DAB1: variants seen among roughly 807,000 people sequenced by gnomAD.
DAB1 encodes the protein disabled homolog 1.
In DAB1, 15 loss-of-function variants were observed where a neutral mutation model predicts 64.6. The ratio of observed to expected loss-of-function variants is 0.23; its 90% CI spans 0.16 to 0.36. The LOEUF (loss-of-function observed/expected upper bound fraction) is 0.36, where lower values mean the gene tolerates loss of function less well. DAB1 is among the 10% of genes least tolerant of loss of function. The pLI, the probability that DAB1 is intolerant of heterozygous loss-of-function variation, is 1.00. For synonymous variants in DAB1, 235 were observed against 251.9 expected (o/e 0.93, Z 0.64); for missense variants, 596 against 706.7 (o/e 0.84, Z 1.78).
At chr1:57,373,117 C>G (rs1359733531) in intron 1 of DAB1, among the ~76,000 whole-genome samples, 1 of 152,098 alleles carries the variant, frequency 6.6e-6, no homozygotes, top group East Asian at 1.9e-4. Context: ...CCTGGGAGTT[C>G]GAGGCTGCAG....
chr1:57,985,182 G>A (rs1457053113), intron 5 of DAB1, among the ~76,000 whole-genome samples: 2 of 152,092 alleles, frequency 1.3e-5, no homozygotes, highest in African/African-American at 2.4e-5. Flanking sequence ...TGCTGGGGTC[G>A]CAGGTGTGAG....
intron 7 of DAB1, among the ~76,000 whole-genome samples, chr1:57,628,278 T>A (rs914830394): frequency 1.1e-4 from 17 of 152,210 alleles, no homozygotes; most frequent in Admixed American, 1.1e-3. Context: ...TAAAGTGTAA[T>A]ATGCTGCACA....
At chr1:57,062,795 A>G in intron 9 of DAB1, 89 bp downstream of exon 9, 1 of 1,093,554 alleles carries the variant, frequency 9.1e-7, no homozygotes, top group Non-Finnish European at 1.4e-6. Context: ...CACTCATTCC[A>G]GGAGAAGGGT....
At chr1:57,043,698 T>G (rs1049399281) in intron 9 of DAB1, among the ~76,000 whole-genome samples, 12 of 152,086 alleles carry the variant, frequency 7.9e-5, no homozygotes, top group African/African-American at 2.7e-4. Flanking sequence ...AATACAAAAA[T>G]TAGCTGGGTG....
intron 5 of DAB1, among the ~76,000 whole-genome samples, chr1:57,984,343 C>T (rs1352424308): frequency 6.6e-6 from 1 of 151,928 alleles, no homozygotes; most frequent in African/African-American, 2.4e-5. Flanking sequence ...TTAATATTTC[C>T]CCCTAATTAC....
At position 57,309,112 on chromosome 1, in the gene DAB1, A is replaced by G. The variant is rs565133099; in HGVS notation, c.-136-17946T>C. Among the ~76,000 whole-genome samples, 157 of 152,334 alleles carry G rather than the reference A, an allele frequency of 1.0e-3. 2 individuals are homozygous for G. Among genetic ancestry groups the G allele is most frequent in the African/African-American group, 3.7e-3 (153 of 41,570 alleles). On this transcript the variant is annotated intron_variant, in intron 1 of 14. Transcript: ENST00000371236. ...TGTATTTTATGTGTGGTCCAAGGAT[A>G]TTCTTCTTTTTCCAACGTGGCTCAG... is the stretch of plus-strand genomic sequence containing the variant.
At chr1:57,042,416 A>C (rs1046484362) in intron 9 of DAB1, among the ~76,000 whole-genome samples, 1 of 152,174 alleles carries the variant, frequency 6.6e-6, no homozygotes, top group African/African-American at 2.4e-5. Context: ...GAAAACTATA[A>C]CATACCCCTA....
chr1:57,471,368 A>G (rs1304150399), intron 7 of DAB1, among the ~76,000 whole-genome samples: 3 of 152,190 alleles, frequency 2.0e-5, no homozygotes, highest in Non-Finnish European at 4.4e-5. Context: ...GAAGAAAAGA[A>G]TTTCCTTAAT....
intron 3 of DAB1, among the ~76,000 whole-genome samples, chr1:58,485,551 T>C (rs1006485569): frequency 1.3e-5 from 2 of 152,140 alleles, no homozygotes; most frequent in African/African-American, 4.8e-5. Context: ...TATCAAATCT[T>C]CATCTACTTT....
chr1:58,324,787 C>T (rs186010474), intron 4 of DAB1, among the ~76,000 whole-genome samples: 82 of 152,282 alleles, frequency 5.4e-4, no homozygotes, highest in African/African-American at 1.7e-3. Context: ...GGGCCTCCTA[C>T]AGAATTCAGC....
At chr1:57,329,478 G>GT (rs68120093) in intron 1 of DAB1, among the ~76,000 whole-genome samples, 3,264 of 151,828 alleles carry the variant, frequency 0.021, 45 homozygotes, top group South Asian at 0.052. Context: ...TGCCTTTCCG[G>GT]TTTTTTTGCA....
At chr1:57,440,530 G>GAAGA (rs547298453) in intron 7 of DAB1, among the ~76,000 whole-genome samples, 1 of 152,146 alleles carries the variant, frequency 6.6e-6, no homozygotes. Flanking sequence ...GGAAAGGAAG[G>GAAGA]AAGAAAGAAA....
intron 7 of DAB1, among the ~76,000 whole-genome samples, chr1:57,582,730 C>A (rs1645328863): frequency 6.6e-6 from 1 of 152,238 alleles, no homozygotes; most frequent in Admixed American, 6.5e-5. Flanking sequence ...GCCACTCCAA[C>A]AGCATCACAG....
At chr1:58,358,589 A>G (rs1644132955) in intron 3 of DAB1, among the ~76,000 whole-genome samples, 1 of 152,206 alleles carries the variant, frequency 6.6e-6, no homozygotes, top group African/African-American at 2.4e-5. Flanking sequence ...CGAAGACAGA[A>G]AAGAAACAGA....
chr1:57,550,901 T>C (rs10889051), intron 7 of DAB1, among the ~76,000 whole-genome samples: 93,698 of 152,134 alleles, frequency 0.62, 32,279 homozygotes, highest in Non-Finnish European at 0.77. Context: ...TTACTTGGTA[T>C]CAAGTATTAT....
chr1:57,892,473 T>C (rs116702384), intron 5 of DAB1, among the ~76,000 whole-genome samples: 3,197 of 152,286 alleles, frequency 0.021, 105 homozygotes, highest in African/African-American at 0.072. Flanking sequence ...CCCCATGACA[T>C]AGGTCACTAT....
At chr1:57,350,844 C>T (rs1487795880) in intron 1 of DAB1, among the ~76,000 whole-genome samples, 2 of 152,204 alleles carry the variant, frequency 1.3e-5, no homozygotes, top group East Asian at 1.9e-4. Flanking sequence ...ACAGCCTGTG[C>T]GTTTGTAAGA....
Position 58,409,471 on chromosome 1 carries a change from G to A in DAB1, n.258-66068C>T, listed in dbSNP as rs550421346. 7.9e-5 allele frequency among the ~76,000 whole-genome samples: 12 copies of A among 152,292 alleles called. No homozygotes were observed. In the South Asian group the frequency reaches 2.3e-3, roughly 29 times the overall value. ...AAGGAAACACTAGCCAAGCAGCATC[G>A]CTGTCTGAAAACACAGTGGGCTGTC... On this transcript the variant is annotated intron_variant and non_coding_transcript_variant, in intron 3 of 20. Coordinates refer to the DAB1 transcript ENST00000485760.
At chr1:57,331,651 G>T (rs1354931135) in intron 1 of DAB1, among the ~76,000 whole-genome samples, 4 of 152,228 alleles carry the variant, frequency 2.6e-5, no homozygotes, top group African/African-American at 9.6e-5. Flanking sequence ...ATGTGCCCCA[G>T]TTGGAGGCAA....
Sources: gnomAD v4.1 joint callset for allele counts (sites outside exome capture counted in the v4.1 genomes callset) on GRCh38, gnomAD v4.1.1 for gene constraint, MANE v1.5 for transcripts, NCBI Gene and HGNC (gene_info 2026-07-23, HGNC 2026-07-21) for gene names.